Variants in PCDH11Y observed in about 807,000 individuals in gnomAD.
PCDH11Y encodes the protein protocadherin 11 Y-linked.
For synonymous variants in PCDH11Y, 9 were observed against 83.6 expected (o/e 0.11, Z 4.87); for missense variants, 12 against 224.8 (o/e 0.05, Z 6.05).
chrY:5,595,272 T>C (rs2124698906), intron 4 of PCDH11Y, among the ~76,000 whole-genome samples: 22 of 26,298 alleles, frequency 8.4e-4, no homozygotes, highest in African/African-American at 3.3e-3. Flanking sequence ...CTGCTTCTAG[T>C]TGGCCATCTT....
At chrY:5,193,075 C>T in intron 2 of PCDH11Y, among the ~76,000 whole-genome samples, 1 of 33,727 alleles carries the variant, frequency 3.0e-5, no homozygotes, top group East Asian at 7.9e-4. Context: ...GTTAAAGCGA[C>T]TGAGTCACAA....
intron 2 of PCDH11Y, among the ~76,000 whole-genome samples, chrY:5,148,985 A>C: frequency 6.0e-5 from 2 of 33,074 alleles, no homozygotes; most frequent in Non-Finnish European, 1.5e-4. Context: ...TGAAATATGA[A>C]TGTATGATCT....
downstream of PCDH11Y, among the ~76,000 whole-genome samples, chrY:5,108,701 G>T (rs1602869022): frequency 8.2e-5 from 2 of 24,309 alleles, no homozygotes; most frequent in African/African-American, 1.7e-4. Flanking sequence ...GAGCCGAGAT[G>T]GCGCCACTGC....
intron 2 of PCDH11Y, among the ~76,000 whole-genome samples, chrY:5,398,552 A>G: frequency 3.2e-5 from 1 of 30,928 alleles, no homozygotes; most frequent in Non-Finnish European, 7.8e-5. Context: ...TAATTGCATT[A>G]TTACAAAGAT....
intron 2 of PCDH11Y, among the ~76,000 whole-genome samples, chrY:5,115,391 A>T: frequency 3.3e-5 from 1 of 30,757 alleles, no homozygotes. Context: ...TATGGTTTGG[A>T]TGTGTTTGTG....
intron 2 of PCDH11Y, among the ~76,000 whole-genome samples, chrY:5,201,300 A>C: frequency 3.0e-5 from 1 of 32,945 alleles, no homozygotes; most frequent in African/African-American, 1.2e-4. Flanking sequence ...TGTAAATTGC[A>C]GCCATTTTTA....
chrY:5,313,969 T>C, intron 2 of PCDH11Y, among the ~76,000 whole-genome samples: 1 of 32,834 alleles, frequency 3.0e-5, no homozygotes, highest in African/African-American at 1.2e-4. Context: ...GTTAAATCAT[T>C]ATTGCTCACA....
At chrY:5,459,853 C>A in intron 2 of PCDH11Y, among the ~76,000 whole-genome samples, 1 of 32,355 alleles carries the variant, frequency 3.1e-5, no homozygotes, top group Non-Finnish European at 7.7e-5. Flanking sequence ...CATGAAGTTA[C>A]GTCTGTCATC....
intron 2 of PCDH11Y, among the ~76,000 whole-genome samples, chrY:5,173,090 C>T: frequency 3.1e-5 from 1 of 32,759 alleles, no homozygotes; most frequent in African/African-American, 1.2e-4. Context: ...CTACTTTTGT[C>T]ACCTGGGTAA....
intron 2 of PCDH11Y, among the ~76,000 whole-genome samples, chrY:5,259,355 T>C: frequency 3.1e-5 from 1 of 31,801 alleles, no homozygotes; most frequent in African/African-American, 1.2e-4. Flanking sequence ...TTTCTGTTTG[T>C]TTTGTGGTCT....
intron 4 of PCDH11Y, among the ~76,000 whole-genome samples, chrY:5,658,650 G>A (rs2053538808): frequency 3.0e-5 from 1 of 33,064 alleles, no homozygotes; most frequent in South Asian, 6.7e-4. Context: ...TAGAATTTCT[G>A]CTTTATTCTT....
intron 2 of PCDH11Y, among the ~76,000 whole-genome samples, chrY:5,287,850 C>T: frequency 3.4e-5 from 1 of 29,192 alleles, no homozygotes; most frequent in East Asian, 9.0e-4. Flanking sequence ...ACTACCATGG[C>T]ACGTTTATAC....
chrY:5,242,789 A>T lies in PCDH11Y; in HGVS notation c.3129+142082A>T, dbSNP rs376601348. ...TGATACCAGAGTTTGTTTTTCAAGCACATTAGACAAATAGATGTCAATAAA... is the reference window on the plus strand; with the variant it reads ...TGATACCAGAGTTTGTTTTTCAAGCTCATTAGACAAATAGATGTCAATAAA... On this transcript the variant is annotated intron_variant, in intron 2 of 4. Coordinates refer to the PCDH11Y transcript ENST00000400457. Among the ~76,000 whole-genome samples, 147 of 33,727 alleles carry T rather than the reference A, an allele frequency of 4.4e-3. No individual in the cohort carries two copies. In the East Asian group the frequency reaches 0.098, roughly 23 times the overall value. 90.5% of individuals were successfully genotyped at this position (33,727 alleles called of 37,273 possible).
intron 3 of PCDH11Y, among the ~76,000 whole-genome samples, chrY:5,043,826 G>T: frequency 3.1e-5 from 1 of 32,769 alleles, no homozygotes. Context: ...AACTTCTTCC[G>T]GTTTAGTCTT....
intron 3 of PCDH11Y, among the ~76,000 whole-genome samples, chrY:5,511,167 CTT>C (rs2053364798): frequency 3.0e-5 from 1 of 33,145 alleles, no homozygotes; most frequent in Admixed American, 2.8e-4. Flanking sequence ...CCATTGCAAA[CTT>C]TGCAGTAATA....
chrY:5,392,348 A>T (rs2053222208), intron 2 of PCDH11Y, among the ~76,000 whole-genome samples: 3 of 23,233 alleles, frequency 1.3e-4, no homozygotes, highest in African/African-American at 5.7e-4. Context: ...CCAACCTGGG[A>T]GACACAGCGA....
intron 2 of PCDH11Y, among the ~76,000 whole-genome samples, chrY:5,360,582 A>C: frequency 6.1e-5 from 2 of 32,959 alleles, no homozygotes; most frequent in Non-Finnish European, 1.5e-4. Flanking sequence ...TAGATTGCTC[A>C]CTTGTAATTA....
At chrY:5,326,798 T>A in intron 2 of PCDH11Y, among the ~76,000 whole-genome samples, 1 of 32,626 alleles carries the variant, frequency 3.1e-5, no homozygotes, top group Admixed American at 2.8e-4. Context: ...TTGGAAGTTA[T>A]GAGAAATGTA....
chrY:5,436,069 G>A, intron 2 of PCDH11Y, among the ~76,000 whole-genome samples: 1 of 33,789 alleles, frequency 3.0e-5, no homozygotes, highest in Non-Finnish European at 7.4e-5. Flanking sequence ...TTTCACATAA[G>A]TGCACGTAGA....
Sources: gnomAD v4.1 joint callset for allele counts (sites outside exome capture counted in the v4.1 genomes callset) on GRCh38, gnomAD v4.1.1 for gene constraint, MANE v1.5 for transcripts, NCBI Gene and HGNC (gene_info 2026-07-23, HGNC 2026-07-21) for gene names.